The following SP4 variants were observed in gnomAD, a reference collection of about 807,000 sequenced individuals.
The protein encoded by SP4 is transcription factor Sp4.
SP4 carries 19 observed loss-of-function variants against 72.8 expected under a neutral mutation model. The ratio of observed to expected loss-of-function variants is 0.26; its 90% confidence interval spans 0.18 to 0.38. The LOEUF (loss-of-function observed/expected upper bound fraction) is 0.38, where lower values mean the gene tolerates loss of function less well. Ranked by LOEUF, SP4 falls within the 10% of genes least tolerant of loss-of-function variation. The pLI is 1.00. For synonymous variants in SP4, 395 were observed against 333.1 expected (o/e 1.19, Z -2.02); for missense variants, 1,008 against 926.3 (o/e 1.09, Z -1.14).
chr7:21,487,969 T>A (rs1222215238), intron 5 of SP4, among the ~76,000 whole-genome samples: 1 of 152,114 alleles, frequency 6.6e-6, no homozygotes, highest in Non-Finnish European at 1.5e-5. Flanking sequence ...GCTCAAGTGA[T>A]CCTCACACCT....
At chr7:21,498,508 T>C (rs1405607191) in intron 5 of SP4, among the ~76,000 whole-genome samples, 22 of 151,942 alleles carry the variant, frequency 1.4e-4, no homozygotes, top group Admixed American at 1.4e-3. Context: ...GAGGGACTGA[T>C]AGACTGGGAG....
Position 21,453,300 on chromosome 7 carries a change from T to TA in SP4, c.1678+22458dup, listed in dbSNP as rs561696534. On this transcript the variant is annotated intron_variant, in intron 3 of 5. Coordinates refer to ENST00000222584, the MANE Select transcript of SP4 (RefSeq NM_003112.5). ...TTTATCCTATGTCACAATCTCCAGT[T>TA]ATCAGAAACCTGCATTTAAGCCTAT... Among the ~76,000 whole-genome samples, 189 of 152,288 alleles carry TA rather than the reference T, an allele frequency of 1.2e-3. 1 individual carries two copies. Among genetic ancestry groups the TA allele is most frequent in the African/African-American group, 4.4e-3 (184 of 41,556 alleles).
chr7:21,438,418 T>C (rs1783121065), intron 3 of SP4, among the ~76,000 whole-genome samples: 1 of 152,198 alleles, frequency 6.6e-6, no homozygotes, highest in Non-Finnish European at 1.5e-5. Context: ...AGAGGCTGTA[T>C]GAGGGTGAAT....
At chr7:21,431,714 C>G (rs1782860895) in intron 3 of SP4, among the ~76,000 whole-genome samples, 1 of 152,096 alleles carries the variant, frequency 6.6e-6, no homozygotes, top group South Asian at 2.1e-4. Flanking sequence ...TACCTAATAA[C>G]TTTTGTTTTC....
At chr7:21,501,963 T>C (rs2128416138) in intron 5 of SP4, among the ~76,000 whole-genome samples, 1 of 151,866 alleles carries the variant, frequency 6.6e-6, no homozygotes, top group Middle Eastern at 3.4e-3. Context: ...TAGTCCACAT[T>C]CTTAATAGTT....
At chr7:21,433,572 G>A (rs1266864188) in intron 3 of SP4, among the ~76,000 whole-genome samples, 1 of 152,222 alleles carries the variant, frequency 6.6e-6, no homozygotes, top group African/African-American at 2.4e-5. Flanking sequence ...TAGGAGTAAT[G>A]CCTTGGAATG....
chr7:21,506,463 T>C (rs140581928), intron 5 of SP4, among the ~76,000 whole-genome samples: 19 of 152,326 alleles, frequency 1.2e-4, no homozygotes, highest in African/African-American at 4.3e-4. Flanking sequence ...CCACTCATAG[T>C]CTTAGGACCT....
In SP4 at chr7:21,475,609, G is replaced by A. The variant is rs761510059; in HGVS notation, c.1679-1470G>A. ...GTAGCGAGTAGCTGGGACTACAGGC[G>A]CCCGCCACCACGCCCGGCTAATTTT... On this transcript the variant is annotated intron_variant, in intron 3 of 5. Coordinates refer to ENST00000222584, the MANE Select transcript of SP4 (RefSeq NM_003112.5). Among the ~76,000 whole-genome samples, 30 of 151,672 alleles carry A rather than the reference G, an allele frequency of 2.0e-4. No homozygotes were observed. In the Middle Eastern group the frequency reaches 0.014, roughly 70 times the overall value.
At chr7:21,480,132 T>C (rs993798412) in intron 4 of SP4, among the ~76,000 whole-genome samples, 7 of 152,114 alleles carry the variant, frequency 4.6e-5, no homozygotes, top group African/African-American at 1.7e-4. Flanking sequence ...AGTTTCTCTG[T>C]CTGGAACCTC....
chr7:21,429,291 C>G lies in SP4; in HGVS notation c.126C>G (p.Asp42Glu). The change falls in exon 3 of 6, where the codon GAC becomes GAG. Residue 42 changes from aspartate to glutamate, a missense_variant and splice_region_variant. This residue lies in a region of SP4 where 893 missense variants were observed against 743.3 expected (regional missense o/e 1.20). Coordinates refer to ENST00000222584, the MANE Select transcript of SP4 (RefSeq NM_003112.5). ...NKKPKTSGSQ[D>E]SQPSPLALLA... Reference sequence around the variant, plus strand: ...CTTTACCGTCCCATTTTGGGTAGGACTCTCAGCCCTCTCCTCTGGCTTTAC... The same window carrying G: ...CTTTACCGTCCCATTTTGGGTAGGAGTCTCAGCCCTCTCCTCTGGCTTTAC... 1 of 1,525,980 alleles carries G rather than the reference C, an allele frequency of 6.6e-7. No individual in the cohort carries two copies. The highest frequency in any genetic ancestry group is 8.9e-7 in the Non-Finnish European group (1 of 1,118,412). The allele number at this position is 1,525,980 out of a possible 1,614,324, so 94.5% of individuals were successfully genotyped here.
intron 5 of SP4, among the ~76,000 whole-genome samples, chr7:21,483,106 C>T (rs1784731835): frequency 2.0e-5 from 3 of 151,982 alleles, no homozygotes; most frequent in Admixed American, 1.3e-4. Flanking sequence ...CACCAGTACC[C>T]AGTAGTGTCA....
intron 3 of SP4, among the ~76,000 whole-genome samples, chr7:21,457,797 GTGTT>G (rs1194540280): frequency 2.6e-5 from 4 of 152,078 alleles, no homozygotes; most frequent in Admixed American, 2.6e-4. Flanking sequence ...ATGCATGTGT[GTGTT>G]TGTGTTTAGG....
Position 21,429,741 on chromosome 7 carries a change from G to A in SP4, c.576G>A (p.Leu192=), listed in dbSNP as rs527335185. Reference sequence around the variant, plus strand: ...CTAGTAGTTCATCTCTACAGGATTTGCAGGGTCAAATTCAGCTCATTTCTG... The same window carrying A: ...CTAGTAGTTCATCTCTACAGGATTTACAGGGTCAAATTCAGCTCATTTCTG... ...NPTSSSSLQD[L]QGQIQLISAG... The change falls in exon 3 of 6, where the codon TTG becomes TTA. Residue 192 remains leucine, a synonymous_variant. Transcript: ENST00000222584. 5.6e-6 allele frequency: 9 copies of A among 1,614,154 alleles called. No individual in the cohort carries two copies. In the South Asian group the frequency reaches 9.9e-5, roughly 18 times the overall value.
intron 5 of SP4, among the ~76,000 whole-genome samples, chr7:21,501,265 C>T (rs1000561824): frequency 6.6e-6 from 1 of 152,108 alleles, no homozygotes; most frequent in Non-Finnish European, 1.5e-5. Context: ...CAGTTTGTTA[C>T]ATCCGCAGGC....
intron 3 of SP4, among the ~76,000 whole-genome samples, chr7:21,464,858 A>G (rs902120011): frequency 1.3e-5 from 2 of 152,240 alleles, no homozygotes; most frequent in African/African-American, 2.4e-5. Context: ...TTGTACATCT[A>G]AAGGACCGGA....
chr7:21,442,098 C>T (rs1231605019), intron 3 of SP4, among the ~76,000 whole-genome samples: 15 of 146,444 alleles, frequency 1.0e-4, no homozygotes, highest in African/African-American at 3.3e-4. Context: ...GAGTGCAGTG[C>T]CACAATCTCG....
Position 21,428,188 on chromosome 7 carries a change from G to GC in SP4, c.-59dup, listed in dbSNP as rs1199310751. ...CGGGACCGGCCTCTCCTCCCGCCTC[G>GC]CCCCCACCCCCACCCACCTCTATCC... On this transcript the variant is annotated 5_prime_UTR_variant, in exon 1 of 6. Transcript: ENST00000222584. The GC allele has an allele frequency of 2.3e-3, 874 of 375,050 alleles. 2 individuals are homozygous for GC. Among genetic ancestry groups the GC allele is most frequent in the Non-Finnish European group, 3.1e-3 (627 of 199,398 alleles). 23.2% of individuals were successfully genotyped at this position (375,050 alleles called of 1,614,324 possible). A position where few individuals can be genotyped will look rare whatever the true frequency, so the allele number is the denominator to read the frequency against.
intron 5 of SP4, among the ~76,000 whole-genome samples, chr7:21,485,116 T>C (rs969503300): frequency 5.9e-5 from 9 of 151,912 alleles, no homozygotes; most frequent in African/African-American, 2.2e-4. Context: ...GTAACTCCTG[T>C]TTGTTAAATT....
At chr7:21,470,768 AAG>A (rs1491471285) in intron 3 of SP4, among the ~76,000 whole-genome samples, 46 of 148,214 alleles carry the variant, frequency 3.1e-4, no homozygotes, top group Middle Eastern at 7.1e-3. Flanking sequence ...AAAAAAAAAA[AAG>A]CAGAACAAAA....
Sources: gnomAD v4.1 joint callset for allele counts (sites outside exome capture counted in the v4.1 genomes callset) on GRCh38, gnomAD v4.1.1 for gene constraint, gnomAD v4.1.1 regional missense constraint, MANE v1.5 for transcripts, NCBI Gene and HGNC (gene_info 2026-07-23, HGNC 2026-07-21) for gene names.